EYA4: variants seen among roughly 807,000 people sequenced by gnomAD.
EYA4 encodes protein phosphatase EYA4.
In EYA4, 31 loss-of-function variants were observed where a neutral mutation model predicts 87.9. The ratio of observed to expected loss-of-function variants is 0.35; its 90% CI spans 0.27 to 0.48. The LOEUF is 0.48. Among genes scored for constraint, EYA4 ranks in the 20% least tolerant of loss-of-function variants. The probability of loss-of-function intolerance (pLI) is 0.99; values close to 1 mark genes in which losing one functional copy is unlikely to be tolerated. For missense variants in EYA4, 678 were observed against 761.4 expected (o/e 0.89, Z 1.29); for synonymous variants, 263 against 270.6 (o/e 0.97, Z 0.28).
In EYA4 at chr6:133,263,972, G is replaced by A. The variant is rs953459198; in HGVS notation, c.-65-10744G>A. ...GCAATTTTTAAATCTTTTCCCAAGG[G>A]TATCTAGGGATTTAAAGCAGTAGGG... On this transcript the variant is annotated intron_variant, in intron 1 of 19. Coordinates refer to ENST00000355286, the MANE Select transcript of EYA4 (RefSeq NM_004100.5). Among the ~76,000 whole-genome samples, 5 of 152,306 alleles carry A rather than the reference G, an allele frequency of 3.3e-5. No homozygotes were observed. The South Asian group carries it at 1.0e-3, about 32-fold the overall frequency.
chr6:133,289,084 G>A (rs140353697), intron 2 of EYA4, among the ~76,000 whole-genome samples: 171 of 152,274 alleles, frequency 1.1e-3, no homozygotes, highest in African/African-American at 3.9e-3. Flanking sequence ...GAGGAGGCTT[G>A]CTTGTGTTTG....
intron 3 of EYA4, among the ~76,000 whole-genome samples, chr6:133,387,560 A>G (rs1324711879): frequency 2.0e-5 from 3 of 152,200 alleles, no homozygotes; most frequent in Non-Finnish European, 4.4e-5. Context: ...GGACTTAATT[A>G]TATTATCATA....
Position 133,529,374 on chromosome 6 carries a change from G to A in EYA4, c.*569G>A, listed in dbSNP as rs1157289280. The A allele has an allele frequency of 4.0e-6, 4 of 994,886 alleles. No individual in the cohort carries two copies. The Admixed American group carries it at 1.6e-4, about 40-fold the overall frequency. 61.6% of individuals were successfully genotyped at this position (994,886 alleles called of 1,614,324 possible). On this transcript the variant is annotated 3_prime_UTR_variant, in exon 20 of 20. Coordinates refer to ENST00000355286, the MANE Select transcript of EYA4 (RefSeq NM_004100.5). Reference sequence around the variant, plus strand: ...TGCAATTTTTCTTTCTTTTGTTGGGGAGGGGAATGGGAGGGGAAATGGGAA... The same window carrying A: ...TGCAATTTTTCTTTCTTTTGTTGGGAAGGGGAATGGGAGGGGAAATGGGAA...
chr6:133,346,364 G>A (rs1436456472), intron 2 of EYA4, among the ~76,000 whole-genome samples: 1 of 152,076 alleles, frequency 6.6e-6, no homozygotes, highest in South Asian at 2.1e-4. Flanking sequence ...AGTTTCACAG[G>A]CTTGAAAGAC....
At chr6:133,350,739 C>G (rs955989230) in intron 2 of EYA4, among the ~76,000 whole-genome samples, 1 of 152,020 alleles carries the variant, frequency 6.6e-6, no homozygotes, top group Non-Finnish European at 1.5e-5. Context: ...ATCTTTTCCA[C>G]TTCAGTGTCA....
chr6:133,390,900 C>T (rs1031089850), intron 3 of EYA4, among the ~76,000 whole-genome samples: 8 of 151,948 alleles, frequency 5.3e-5, no homozygotes, highest in African/African-American at 1.9e-4. Flanking sequence ...GATTGGGGGG[C>T]TATAGCTGAA....
chr6:133,505,007 A>G (rs1798471176), intron 13 of EYA4, among the ~76,000 whole-genome samples: 1 of 152,176 alleles, frequency 6.6e-6, no homozygotes, highest in Admixed American at 6.5e-5. Context: ...AGCCAAAACC[A>G]ATAGTATCCT....
At chr6:133,253,578 C>A (rs1022931146) in intron 1 of EYA4, among the ~76,000 whole-genome samples, 2 of 152,002 alleles carry the variant, frequency 1.3e-5, no homozygotes, top group Admixed American at 6.6e-5. Flanking sequence ...CATATTCTCA[C>A]CACCCTTATC....
intron 2 of EYA4, among the ~76,000 whole-genome samples, chr6:133,343,498 C>T (rs796557713): frequency 9.1e-4 from 139 of 151,926 alleles, no homozygotes; most frequent in African/African-American, 3.2e-3. Context: ...CGGTGCTTCC[C>T]GAGTTCCCTA....
chr6:133,347,496 C>G (rs1783285061), intron 2 of EYA4, among the ~76,000 whole-genome samples: 1 of 152,050 alleles, frequency 6.6e-6, no homozygotes, highest in Admixed American at 6.5e-5. Context: ...ATTCATGCCT[C>G]CCTGTGTCCT....
At position 133,392,725 on chromosome 6, in the gene EYA4, G is replaced by A. The variant is rs549683261; in HGVS notation, c.83+10284G>A. Among the ~76,000 whole-genome samples, 9 of 152,292 alleles carry A rather than the reference G, an allele frequency of 5.9e-5. No homozygotes were observed. In the East Asian group the frequency reaches 1.7e-3, roughly 29 times the overall value. ...AATAGATTTGGCTTGAAATAGGCAT[G>A]GTGGCAGGGGGAAGGATCTGGCCTC... On this transcript the variant is annotated intron_variant, in intron 3 of 19. Transcript: ENST00000355286.
chr6:133,240,931 A>C (rs1657932097), upstream of EYA4: 1 of 152,220 alleles, frequency 6.6e-6, no homozygotes, highest in African/African-American at 2.4e-5. Context: ...GGGCTGCCCC[A>C]CAGAAGCAGG....
At position 133,274,760 on chromosome 6, in the gene EYA4, C is replaced by T. The variant is rs1171446103; in HGVS notation, c.-21C>T. The T allele has an allele frequency of 3.1e-6, 5 of 1,609,330 alleles. No individual in the cohort carries two copies. Among genetic ancestry groups the T allele is most frequent in the African/African-American group, 2.7e-5 (2 of 74,780 alleles). On this transcript the variant is annotated 5_prime_UTR_variant, in exon 2 of 20. Transcript: ENST00000355286. ...GGAAGCTGCTTCTACTTGGGAGTGG[C>T]AGGAGAAGTGAGAAAACCACATGGA...
intron 2 of EYA4, among the ~76,000 whole-genome samples, chr6:133,315,170 T>C (rs1433727584): frequency 6.6e-6 from 1 of 152,144 alleles, no homozygotes; most frequent in African/African-American, 2.4e-5. Flanking sequence ...GCTCAGAATT[T>C]CATTTTTGAG....
intron 2 of EYA4, among the ~76,000 whole-genome samples, chr6:133,336,813 G>A (rs1782398860): frequency 6.6e-6 from 1 of 152,112 alleles, no homozygotes; most frequent in South Asian, 2.1e-4. Flanking sequence ...AAGAACTGTG[G>A]AATTTTGGAG....
intron 2 of EYA4, among the ~76,000 whole-genome samples, chr6:133,320,774 G>A (rs1294396012): frequency 6.6e-6 from 1 of 152,086 alleles, no homozygotes; most frequent in Non-Finnish European, 1.5e-5. Flanking sequence ...GTAAAAACAT[G>A]CCGTATTTGA....
At position 133,279,291 on chromosome 6, in the gene EYA4, A is replaced by G. The variant is rs1415604081; in HGVS notation, c.33+4478A>G. Among the ~76,000 whole-genome samples the G allele has an allele frequency of 2.0e-5, 3 of 152,290 alleles. No individual in the cohort carries two copies. The East Asian group carries it at 5.8e-4, about 29-fold the overall frequency. ...GGATTGCTTTCCCTAAATGTTATGC[A>G]TTACGGGCCTGAACATTCATATGTA... On this transcript the variant is annotated intron_variant, in intron 2 of 19. Coordinates refer to ENST00000355286, the MANE Select transcript of EYA4 (RefSeq NM_004100.5).
At chr6:133,513,712 C>A (rs1435059597) in intron 16 of EYA4, among the ~76,000 whole-genome samples, 1 of 151,968 alleles carries the variant, frequency 6.6e-6, no homozygotes, top group East Asian at 1.9e-4. Flanking sequence ...ATAAAATAAA[C>A]CTTGGTGATA....
intron 3 of EYA4, among the ~76,000 whole-genome samples, chr6:133,402,682 C>T (rs906198261): frequency 6.6e-6 from 1 of 151,838 alleles, no homozygotes; most frequent in African/African-American, 2.4e-5. Flanking sequence ...GTCTAGGCTA[C>T]TGATTCAGGG....
Sources: allele counts gnomAD v4.1 joint callset (sites outside exome capture counted in the v4.1 genomes callset), GRCh38; gene constraint gnomAD v4.1.1; transcripts MANE v1.5; gene names NCBI Gene and HGNC (gene_info 2026-07-23, HGNC 2026-07-21).